The following TSPAN9 variants were observed in gnomAD, a reference collection of about 807,000 sequenced individuals.
TSPAN9 encodes the protein tetraspanin-9.
A neutral mutation model predicts 31.0 loss-of-function variants in TSPAN9; 16 were observed. The ratio of observed to expected loss-of-function variants is 0.52; its 90% CI spans 0.35 to 0.78. TSPAN9 has a LOEUF of 0.78. TSPAN9 is among the 30% of genes least tolerant of loss of function. The pLI, the probability that TSPAN9 is intolerant of heterozygous loss-of-function variation, is 0.01. For missense variants in TSPAN9, 272 were observed against 312.5 expected (o/e 0.87, Z 0.98); for synonymous variants, 145 against 121.6 (o/e 1.19, Z -1.27).
At position 3,285,404 on chromosome 12, in the gene TSPAN9, G is replaced by T. The variant is rs966051851; in HGVS notation, c.*2288G>T. 6.6e-6 allele frequency: 1 copy of T among 152,218 alleles called. No homozygotes were observed. The highest frequency in any genetic ancestry group is 2.4e-5 in the African/African-American group (1 of 41,448). The allele number at this position is 152,218 out of a possible 1,614,324, so 9.4% of individuals were successfully genotyped here. ...TCTGTTTCTGGAGTACTTCAGGGGTGGCCTCTGGCCCCAGAGCCTTTGCCA... is the reference window on the plus strand; with the variant it reads ...TCTGTTTCTGGAGTACTTCAGGGGTTGCCTCTGGCCCCAGAGCCTTTGCCA... On this transcript the variant is annotated 3_prime_UTR_variant, in exon 9 of 9. Transcript: ENST00000011898.
intron 2 of TSPAN9, among the ~76,000 whole-genome samples, chr12:3,150,203 G>T (rs528943919): frequency 1.3e-5 from 2 of 152,166 alleles, no homozygotes; most frequent in African/African-American, 4.8e-5. Context: ...GGCCTCCCTC[G>T]GTCTGTTTCC....
intron 2 of TSPAN9, among the ~76,000 whole-genome samples, chr12:3,102,837 C>T (rs1274407381): frequency 2.0e-5 from 3 of 152,190 alleles, no homozygotes; most frequent in African/African-American, 7.2e-5. Flanking sequence ...ACAGAGGTCA[C>T]TTAACCCATA....
intron 3 of TSPAN9, among the ~76,000 whole-genome samples, chr12:3,274,379 T>A (rs902974335): frequency 2.0e-5 from 3 of 149,780 alleles, no homozygotes; most frequent in Middle Eastern, 3.2e-3. Context: ...CTAAAGAATC[T>A]TAAGGTCACA....
At chr12:3,149,716 C>T (rs568242345) in intron 2 of TSPAN9, 26 of 152,338 alleles carry the variant, frequency 1.7e-4, no homozygotes, top group Admixed American at 1.7e-3. Context: ...ACCAGTGATT[C>T]AAGACCTGGC....
chr12:3,162,169 T>C (rs780012624), intron 2 of TSPAN9, among the ~76,000 whole-genome samples: 27 of 152,210 alleles, frequency 1.8e-4, no homozygotes, highest in Non-Finnish European at 3.8e-4. Context: ...CCCCCCACTG[T>C]CTTGCTTCCT....
chr12:3,262,305 C>T (rs940924023), intron 3 of TSPAN9, among the ~76,000 whole-genome samples: 4 of 151,934 alleles, frequency 2.6e-5, no homozygotes, highest in East Asian at 1.9e-4. Flanking sequence ...CTGAAGGGAA[C>T]GCAGAGCCAC....
In TSPAN9 at chr12:3,105,768, G is replaced by GCATGCACA. The variant is rs1555141411; in HGVS notation, c.-18+22051_-18+22052insTGCACACA. The stretch of plus-strand genomic sequence containing the variant: ...CACACTCACACACACGCACACACGC[G>GCATGCACA]CACGCACACACGCTCATACACACTC... On this transcript the variant is annotated intron_variant, in intron 2 of 8. Coordinates refer to ENST00000011898, the MANE Select transcript of TSPAN9 (RefSeq NM_006675.5). Among the ~76,000 whole-genome samples, 79 of 28,570 alleles carry GCATGCACA rather than the reference G, an allele frequency of 2.8e-3. 1 individual carries two copies. The South Asian group carries it at 0.22, about 79-fold the overall frequency. The allele number at this position is 28,570 out of a possible 152,430, so 18.7% of individuals were successfully genotyped here. A position where few individuals can be genotyped will look rare whatever the true frequency, so the allele number is the denominator to read the frequency against.
In TSPAN9 at chr12:3,284,196, A is replaced by G. The variant is rs778175862; in HGVS notation, c.*1080A>G. The stretch of plus-strand genomic sequence containing the variant: ...TGCACACCCCAGTTATTTCACAGAC[A>G]TTCCTGCTAGAAACTGTCAGACAAA... On this transcript the variant is annotated 3_prime_UTR_variant, in exon 9 of 9. Coordinates refer to ENST00000011898, the MANE Select transcript of TSPAN9 (RefSeq NM_006675.5). 6.6e-6 allele frequency: 1 copy of G among 152,654 alleles called. No homozygotes were observed. The highest frequency in any genetic ancestry group is 1.5e-5 in the Non-Finnish European group (1 of 68,048). 9.5% of individuals were successfully genotyped at this position (152,654 alleles called of 1,614,324 possible).
rs1369651666 is a variant in TSPAN9, at chr12:3,280,460, G to A, written c.409G>A (p.Ala137Thr). 4 of 1,612,786 alleles carry A rather than the reference G, an allele frequency of 2.5e-6. No individual in the cohort carries two copies. In the East Asian group the frequency reaches 6.7e-5, roughly 27 times the overall value. ...HTENNVGLKN[A>T]WNIIQAEMRC... ...CGAGAACAACGTGGGGCTGAAGAACGCCTGGAACATCATCCAGGCTGAGGT... is the reference window on the plus strand; with the variant it reads ...CGAGAACAACGTGGGGCTGAAGAACACCTGGAACATCATCCAGGCTGAGGT... Residue 137 changes from alanine (A) to threonine (T), a missense_variant, in exon 6 of 9, where the codon GCC becomes ACC. Transcript: ENST00000011898. The surrounding 1 kb of genome is among the most constrained non-coding windows in gnomAD (Gnocchi z 4.5).
intron 2 of TSPAN9, among the ~76,000 whole-genome samples, chr12:3,088,741 A>G (rs538537802): frequency 6.6e-6 from 1 of 152,184 alleles, no homozygotes; most frequent in African/African-American, 2.4e-5. Flanking sequence ...GCTGGGATTT[A>G]GGGAGGGAAG....
chr12:3,135,792 G>A (rs2098331853), intron 2 of TSPAN9, among the ~76,000 whole-genome samples: 1 of 152,222 alleles, frequency 6.6e-6, no homozygotes, highest in East Asian at 1.9e-4. Flanking sequence ...TCTGAGGAAA[G>A]GCTGGGATGA....
At chr12:3,265,704 A>C (rs1433171891) in intron 3 of TSPAN9, among the ~76,000 whole-genome samples, 2 of 152,128 alleles carry the variant, frequency 1.3e-5, no homozygotes, top group African/African-American at 4.8e-5. Context: ...ACTTCTTGGC[A>C]TGCCTGTGTC....
intron 3 of TSPAN9, among the ~76,000 whole-genome samples, chr12:3,217,126 T>A (rs1477171029): frequency 6.6e-6 from 1 of 152,244 alleles, no homozygotes; most frequent in Admixed American, 6.5e-5. Flanking sequence ...GTTCCCAGGC[T>A]GCTATTCGTG....
At position 3,264,462 on chromosome 12, in the gene TSPAN9, GA is replaced by G. The variant is rs138117568; in HGVS notation, c.64-13956del. Reference sequence around the variant, plus strand: ...AAAAGAAAGCACGCCTGCAAATCGGGAAAGCAAGCCGCCTCCCGGAGATGGG... The same window carrying G: ...AAAAGAAAGCACGCCTGCAAATCGGGAAGCAAGCCGCCTCCCGGAGATGGG... On this transcript the variant is annotated intron_variant, in intron 3 of 8. Transcript: ENST00000011898. Among the ~76,000 whole-genome samples the G allele has an allele frequency of 5.4e-3, 830 of 152,338 alleles. 14 individuals carry two copies. The highest frequency in any genetic ancestry group is 0.019 in the African/African-American group (780 of 41,584).
intron 3 of TSPAN9, among the ~76,000 whole-genome samples, chr12:3,259,472 TGC>T (rs1395475513): frequency 6.6e-6 from 1 of 152,234 alleles, no homozygotes; most frequent in East Asian, 1.9e-4. Context: ...CCTGGCACAG[TGC>T]ATCACCGTAG....
chr12:3,283,068 G>T lies in TSPAN9; in HGVS notation c.672G>T (p.Met224Ile). 1 of 1,609,422 alleles carries T rather than the reference G, an allele frequency of 6.2e-7. No homozygotes were observed. The highest frequency in any genetic ancestry group is 1.3e-5 in the African/African-American group (1 of 75,046). ...AGATCCTGGGCATGGCCTTCTCCATGACCCTCTTCCAGCACATCCACCGGA... is the reference window on the plus strand; with the variant it reads ...AGATCCTGGGCATGGCCTTCTCCATTACCCTCTTCCAGCACATCCACCGGA... ...IMQILGMAFS[M>I]TLFQHIHRTG... Residue 224 changes from methionine to isoleucine, a missense_variant, in exon 9 of 9, where the codon ATG (methionine) becomes ATT (isoleucine). Physicochemically the swap from Met to Ile is conservative, Grantham distance 10 (BLOSUM62 1). Coordinates refer to ENST00000011898, the MANE Select transcript of TSPAN9 (RefSeq NM_006675.5).
chr12:3,205,466 T>C (rs1469260105), intron 3 of TSPAN9, among the ~76,000 whole-genome samples: 2 of 152,172 alleles, frequency 1.3e-5, no homozygotes, highest in Non-Finnish European at 2.9e-5. Context: ...TCCAGCTGCA[T>C]TGGTGGCACG....
chr12:3,259,727 G>A (rs939294728), intron 3 of TSPAN9, among the ~76,000 whole-genome samples: 1 of 152,248 alleles, frequency 6.6e-6, no homozygotes, highest in Non-Finnish European at 1.5e-5. Context: ...GCAGAGGCCT[G>A]TGAGTGGGAA....
At chr12:3,279,585 C>G (rs1862858096) in intron 5 of TSPAN9, among the ~76,000 whole-genome samples, 1 of 152,180 alleles carries the variant, frequency 6.6e-6, no homozygotes, top group Admixed American at 6.5e-5. Flanking sequence ...GTGGGTGACC[C>G]CCTGTAACCT....
Sources: allele counts gnomAD v4.1 joint callset (sites outside exome capture counted in the v4.1 genomes callset), GRCh38; gene constraint gnomAD v4.1.1; non-coding constraint Gnocchi (gnomAD v3.1); transcripts MANE v1.5; gene names NCBI Gene and HGNC (gene_info 2026-07-23, HGNC 2026-07-21).